The following PHACTR4 variants were observed in gnomAD, a reference collection of about 807,000 sequenced individuals.
PHACTR4 encodes the protein protein phosphatase 1, regulatory subunit 124.
PHACTR4 carries 51 observed loss-of-function variants against 72.7 expected under a neutral mutation model. The observed-to-expected ratio is 0.70, with a 90% confidence interval of 0.56 to 0.89. The LOEUF is 0.89. Among genes scored for constraint, PHACTR4 ranks in the 40% least tolerant of loss-of-function variants. PHACTR4 has a pLI of 0.00. For missense variants in PHACTR4, 731 were observed against 861.8 expected (o/e 0.85, Z 1.90); for synonymous variants, 255 against 302.5 (o/e 0.84, Z 1.63).
intron 1 of PHACTR4, among the ~76,000 whole-genome samples, chr1:28,397,964 C>T (rs146377108): frequency 0.011 from 1,608 of 151,998 alleles, 30 homozygotes; most frequent in African/African-American, 0.037. Context: ...CCGCCCGCCT[C>T]GGCCTCCCAA....
At position 28,389,603 on chromosome 1, in the gene PHACTR4, G is replaced by A. The variant is rs939888252; in HGVS notation, c.-38-17807G>A. Among the ~76,000 whole-genome samples, 8 of 151,344 alleles carry A rather than the reference G, an allele frequency of 5.3e-5. No individual in the cohort carries two copies. In the East Asian group the frequency reaches 5.9e-4, roughly 11 times the overall value. On this transcript the variant is annotated intron_variant, in intron 1 of 13. Coordinates refer to ENST00000373839, the MANE Select transcript of PHACTR4 (RefSeq NM_001048183.3). ...AGCGATTCTCCTGCCTCAGCTTCCC[G>A]AGTAGCTGGGACGACGGGCGCGTGC...
At position 28,480,447 on chromosome 1, in the gene PHACTR4, A is replaced by G; in HGVS notation, c.1607-4A>G. 1 of 1,613,750 alleles carries G rather than the reference A, an allele frequency of 6.2e-7. No individual in the cohort carries two copies. Among genetic ancestry groups the G allele is most frequent in the Non-Finnish European group, 8.5e-7 (1 of 1,179,808 alleles). ...CTACATTTTTTTCTTCCCCGTGTGC[A>G]AAGGTGCTCTCGCCAACAAAGTGAA... is the stretch of plus-strand genomic sequence containing the variant. On this transcript the variant is annotated splice_region_variant and splice_polypyrimidine_tract_variant and intron_variant, in intron 8 of 13. Transcript: ENST00000373839.
At chr1:28,424,227 T>G (rs1655690740) in intron 2 of PHACTR4, among the ~76,000 whole-genome samples, 1 of 152,126 alleles carries the variant, frequency 6.6e-6, no homozygotes, top group African/African-American at 2.4e-5. Flanking sequence ...GGTCTCACTC[T>G]GTTGCCCAGA....
chr1:28,457,629 A>T (rs867626059), intron 2 of PHACTR4, among the ~76,000 whole-genome samples: 7 of 151,658 alleles, frequency 4.6e-5, no homozygotes, highest in South Asian at 2.1e-4. Flanking sequence ...ATAATAATAA[A>T]TTTTTTTAAA....
chr1:28,488,597 A>T (rs1030010043), intron 9 of PHACTR4, among the ~76,000 whole-genome samples: 1 of 152,092 alleles, frequency 6.6e-6, no homozygotes, highest in Non-Finnish European at 1.5e-5. Flanking sequence ...GTTCAAGACT[A>T]TCCTGGGCAA....
chr1:28,491,734 G>C lies in PHACTR4; in HGVS notation c.1963G>C (p.Asp655His), dbSNP rs1661050452. 1 of 1,614,044 alleles carries C rather than the reference G, an allele frequency of 6.2e-7. No individual in the cohort carries two copies. The highest frequency in any genetic ancestry group is 1.3e-5 in the African/African-American group (1 of 74,922). Residue 655 changes from aspartate to histidine, a missense_variant, in exon 12 of 14, where the codon GAT becomes CAT. Around this residue, in one of 2 missense-constraint regions of PHACTR4, gnomAD observed 110 missense variants for 185.2 expected, o/e 0.59. Coordinates refer to ENST00000373839, the MANE Select transcript of PHACTR4 (RefSeq NM_001048183.3). ...ATATGTAGAGGTAACAGATGCTCAA[G>C]ATTATGACCGGCGAGCCGACAAACC... ...NEYVEVTDAQDYDRRADKPWT... is the reference protein window; with the variant it reads ...NEYVEVTDAQHYDRRADKPWT...
At chr1:28,433,934 C>T (rs554568763) in intron 2 of PHACTR4, among the ~76,000 whole-genome samples, 6 of 152,202 alleles carry the variant, frequency 3.9e-5, no homozygotes, top group African/African-American at 1.4e-4. Context: ...GCTCCCGCCA[C>T]CACGCCCGGC....
At chr1:28,481,568 TC>T (rs1315027978) in intron 9 of PHACTR4, 1 of 152,022 alleles carries the variant, frequency 6.6e-6, no homozygotes, top group Non-Finnish European at 1.5e-5. Context: ...GGTAGGCAGA[TC>T]ATCTGAGGTC....
chr1:28,490,725 C>T (rs536286397), intron 10 of PHACTR4, among the ~76,000 whole-genome samples: 101 of 151,942 alleles, frequency 6.6e-4, no homozygotes, highest in African/African-American at 2.4e-3. Flanking sequence ...TGCCTGTAAT[C>T]CCAGCTACTC....
intron 1 of PHACTR4, among the ~76,000 whole-genome samples, chr1:28,406,252 C>T (rs974791529): frequency 1.3e-5 from 2 of 152,116 alleles, no homozygotes; most frequent in African/African-American, 4.8e-5. Flanking sequence ...TGGTCATGTT[C>T]TTTAGAATTT....
At chr1:28,483,876 C>T (rs9651012) in intron 9 of PHACTR4, among the ~76,000 whole-genome samples, 15,616 of 150,680 alleles carry the variant, frequency 0.1, 1,882 homozygotes, top group African/African-American at 0.3. Flanking sequence ...TGGCAAACTT[C>T]TTCTGTAAAG....
intron 1 of PHACTR4, among the ~76,000 whole-genome samples, chr1:28,380,177 C>T (rs1652050136): frequency 6.7e-6 from 1 of 149,256 alleles, no homozygotes; most frequent in African/African-American, 2.5e-5. Flanking sequence ...CTGCCTCAGC[C>T]TCCCGAGTAG....
intron 2 of PHACTR4, among the ~76,000 whole-genome samples, chr1:28,450,670 A>AT (rs1454130936): frequency 9.2e-5 from 14 of 151,924 alleles, no homozygotes; most frequent in African/African-American, 3.4e-4. Context: ...CCCAGGTTGT[A>AT]GTACAGTGGT....
chr1:28,379,259 ATTTC>A (rs1165025308), intron 1 of PHACTR4, among the ~76,000 whole-genome samples: 5 of 144,792 alleles, frequency 3.5e-5, no homozygotes, highest in East Asian at 2.0e-4. Context: ...CCAGCCTATA[ATTTC>A]TTTCTTTCTT....
chr1:28,490,734 T>G (rs1286550612), intron 10 of PHACTR4, among the ~76,000 whole-genome samples: 1 of 151,416 alleles, frequency 6.6e-6, no homozygotes, highest in East Asian at 1.9e-4. Flanking sequence ...TCCCAGCTAC[T>G]CGGGAGGCTG....
At chr1:28,380,169 G>A (rs1652049745) in intron 1 of PHACTR4, among the ~76,000 whole-genome samples, 1 of 143,236 alleles carries the variant, frequency 7.0e-6, no homozygotes, top group Non-Finnish European at 1.5e-5. Flanking sequence ...CCATTCTCCT[G>A]CCTCAGCCTC....
At chr1:28,384,164 A>C (rs1307973178) in intron 1 of PHACTR4, among the ~76,000 whole-genome samples, 1 of 152,146 alleles carries the variant, frequency 6.6e-6, no homozygotes, top group Non-Finnish European at 1.5e-5. Context: ...TATCAGGATG[A>C]TGCTGGCCTC....
chr1:28,389,863 C>G (rs1652864909), intron 1 of PHACTR4, among the ~76,000 whole-genome samples: 1 of 152,164 alleles, frequency 6.6e-6, no homozygotes, highest in Non-Finnish European at 1.5e-5. Context: ...AATTCCACTA[C>G]TGGGTATATA....
intron 2 of PHACTR4, among the ~76,000 whole-genome samples, chr1:28,425,513 C>T (rs772253354): frequency 2.0e-5 from 3 of 152,156 alleles, no homozygotes; most frequent in African/African-American, 2.4e-5. Context: ...TTTATTGAGT[C>T]GTAGTGTAAC....
Sources: allele counts gnomAD v4.1 joint callset (sites outside exome capture counted in the v4.1 genomes callset), GRCh38; gene constraint gnomAD v4.1.1; regional missense constraint gnomAD v4.1.1; transcripts MANE v1.5; gene names NCBI Gene and HGNC (gene_info 2026-07-23, HGNC 2026-07-21).